The following FRMD8 variants were observed in gnomAD, a reference collection of about 807,000 sequenced individuals.
The protein encoded by FRMD8 is FERM domain containing 8, also known as FERM domain-containing protein 8.
Under a neutral mutation model 54.2 loss-of-function variants are expected in FRMD8, and 37 were observed. That is an observed-to-expected ratio of 0.68 (90% CI 0.53 to 0.90). FRMD8 has a LOEUF of 0.90. Among genes scored for constraint, FRMD8 ranks in the 40% least tolerant of loss-of-function variants. FRMD8 has a pLI of 0.00. For missense variants in FRMD8, 585 were observed against 653.7 expected (o/e 0.89, Z 1.15); for synonymous variants, 246 against 286.9 (o/e 0.86, Z 1.44).
rs1468274445 is a variant in FRMD8 at position 65,397,035 on chromosome 11, C to A, written c.803+15C>A. ...CCGTTTTATGGGTAAGAGCCACAGC[C>A]CCGCGGTCCCCCACCCCCTCCGCAG... On this transcript the variant is annotated intron_variant, in intron 7 of 10. Transcript: ENST00000317568. 7 of 1,363,768 alleles carry A rather than the reference C, an allele frequency of 5.1e-6. No homozygotes were observed. The highest frequency in any genetic ancestry group is 6.8e-6 in the Non-Finnish European group (7 of 1,026,022). The allele number at this position is 1,363,768 out of a possible 1,614,324, so 84.5% of individuals were successfully genotyped here. A position where few individuals can be genotyped will look rare whatever the true frequency, so the allele number is the denominator to read the frequency against.
chr11:65,380,876 C>A, the FRMD8 span: 3 of 288,804 alleles, frequency 1.0e-5, no homozygotes, highest in South Asian at 2.9e-5. Context: ...CCAGGTGGGG[C>A]AGAGGCCCAG....
At chr11:65,390,164 G>T (rs1310402696) in intron 3 of FRMD8, among the ~76,000 whole-genome samples, 1 of 152,024 alleles carries the variant, frequency 6.6e-6, no homozygotes, top group African/African-American at 2.4e-5. Context: ...TGCCTGGCTG[G>T]CCTCGTGACC....
At chr11:65,401,579 C>G (rs962165668) in intron 9 of FRMD8, among the ~76,000 whole-genome samples, 6 of 150,910 alleles carry the variant, frequency 4.0e-5, no homozygotes, top group African/African-American at 1.5e-4. Flanking sequence ...CACCCCTGCG[C>G]CTCCCATGCT....
intron 9 of FRMD8, among the ~76,000 whole-genome samples, chr11:65,403,510 C>A (rs759107941): frequency 6.6e-5 from 10 of 152,180 alleles, no homozygotes; most frequent in Non-Finnish European, 1.3e-4. Context: ...TGTGGACAGT[C>A]GTGTGGTCTG....
the FRMD8 span, chr11:65,379,625 C>A: frequency 1.3e-4 from 195 of 1,493,708 alleles, no homozygotes; most frequent in Non-Finnish European, 1.7e-4. Context: ...CCTCTCCACC[C>A]CTGGCAAGGC....
intron 10 of FRMD8, among the ~76,000 whole-genome samples, chr11:65,407,003 CCT>C: frequency 6.6e-6 from 1 of 151,940 alleles, no homozygotes; most frequent in South Asian, 2.1e-4. Context: ...TGTGTCAGAT[CCT>C]GGAAGAGAGG....
In FRMD8 at chr11:65,400,631, G is replaced by A. The variant is rs1856054041; in HGVS notation, c.928-93G>A. 8 of 1,276,090 alleles carry A rather than the reference G, an allele frequency of 6.3e-6. No individual in the cohort carries two copies. Among genetic ancestry groups the A allele is most frequent in the Non-Finnish European group, 8.5e-6 (8 of 945,658 alleles). The allele number at this position is 1,276,090 out of a possible 1,614,324, so 79.0% of individuals were successfully genotyped here. A position where few individuals can be genotyped will look rare whatever the true frequency, so the allele number is the denominator to read the frequency against. On this transcript the variant is annotated intron_variant, in intron 8 of 10. Coordinates refer to ENST00000317568, the MANE Select transcript of FRMD8 (RefSeq NM_031904.5). The surrounding 1 kb of genome is among the most constrained non-coding windows in gnomAD (Gnocchi z 4.3). ...CAAATGTAGACTCAGCCTTGGAGAGGCACACACCCTGGCCAGGTGTCTGAG... is the reference window on the plus strand; with the variant it reads ...CAAATGTAGACTCAGCCTTGGAGAGACACACACCCTGGCCAGGTGTCTGAG...
Position 65,396,968 on chromosome 11 carries a change from G to A in FRMD8, c.751G>A (p.Gly251Ser). 2 of 1,506,486 alleles carry A rather than the reference G, an allele frequency of 1.3e-6. No homozygotes were observed. The highest frequency in any genetic ancestry group is 8.9e-7 in the Non-Finnish European group (1 of 1,124,394). 93.3% of individuals were successfully genotyped at this position (1,506,486 alleles called of 1,614,324 possible). ...CGACGGCGGGTGCGAGGCCGCCCTGGGCACCCACTACCGCGCCTATCTCCT... is the reference window on the plus strand; with the variant it reads ...CGACGGCGGGTGCGAGGCCGCCCTGAGCACCCACTACCGCGCCTATCTCCT... ...SSDGGCEAAL[G>S]THYRAYLLKC... Residue 251 changes from glycine (G) to serine (S), a missense_variant, in exon 7 of 11, where the codon GGC becomes AGC. Coordinates refer to ENST00000317568, the MANE Select transcript of FRMD8 (RefSeq NM_031904.5).
At chr11:65,377,328 C>T in the FRMD8 span, 1 of 1,358,432 alleles carries the variant, frequency 7.4e-7, no homozygotes, top group South Asian at 1.8e-5. Context: ...CAGTGACCAA[C>T]TTGCCTGGCC....
chr11:65,381,800 C>A, upstream of FRMD8: 1 of 1,342,846 alleles, frequency 7.4e-7, no homozygotes, highest in Non-Finnish European at 1.1e-6. Flanking sequence ...TCAAGTGATC[C>A]TCCCGCCAGG....
In FRMD8 at chr11:65,404,744, C is replaced by T. The variant is rs900856495; in HGVS notation, c.1072-120C>T. On this transcript the variant is annotated intron_variant, in intron 9 of 10. Transcript: ENST00000317568. This position sits in a 1 kb window ranked among gnomAD's most constrained non-coding sequence, Gnocchi z 4.7. ...TCCCCTGCCTCCCTGCTCCCTCCCT[C>T]CTGAGTGATGTGTGTCCCCTCCCCT... 7.5e-6 allele frequency: 6 copies of T among 799,534 alleles called. No individual in the cohort carries two copies. Among genetic ancestry groups the T allele is most frequent in the Non-Finnish European group, 1.2e-5 (6 of 493,074 alleles). The allele number at this position is 799,534 out of a possible 1,614,324, so 49.5% of individuals were successfully genotyped here.
chr11:65,410,651 G>A (rs1175719355), intron 10 of FRMD8, among the ~76,000 whole-genome samples: 4 of 152,154 alleles, frequency 2.6e-5, no homozygotes, highest in Non-Finnish European at 5.9e-5. Flanking sequence ...TTAGCTGGGC[G>A]CCGTGGCGGG....
At chr11:65,380,479 G>T in the FRMD8 span, 1 of 1,327,158 alleles carries the variant, frequency 7.5e-7, no homozygotes, top group East Asian at 3.0e-5. Flanking sequence ...CCCATACCCG[G>T]GTATCCCACC....
At chr11:65,402,676 C>T (rs1441308637) in intron 9 of FRMD8, among the ~76,000 whole-genome samples, 1 of 152,168 alleles carries the variant, frequency 6.6e-6, no homozygotes, top group Non-Finnish European at 1.5e-5. Flanking sequence ...GCATTGATTA[C>T]TTCGGAGGTC....
the FRMD8 span, chr11:65,376,877 A>T: frequency 1.9e-6 from 3 of 1,614,034 alleles, no homozygotes; most frequent in South Asian, 1.1e-5. Context: ...GATGAAGTAG[A>T]TCCCCACCGT....
In FRMD8 at chr11:65,396,571, C is replaced by T. The variant is rs149963121; in HGVS notation, c.582-228C>T. 2.7e-3 allele frequency among the ~76,000 whole-genome samples: 417 copies of T among 152,294 alleles called. 1 individual carries two copies. Among genetic ancestry groups the T allele is most frequent in the African/African-American group, 9.5e-3 (395 of 41,562 alleles). On this transcript the variant is annotated intron_variant, in intron 6 of 10. Coordinates refer to ENST00000317568, the MANE Select transcript of FRMD8 (RefSeq NM_031904.5). The stretch of plus-strand genomic sequence containing the variant: ...CTCTCACCAGCTGTACAGCTGCTCT[C>T]GGCAGAAGCAGACAGGCTGGCCCTG...
At position 65,396,891 on chromosome 11, in the gene FRMD8, C is replaced by T. The variant is rs375440872; in HGVS notation, c.674C>T (p.Pro225Leu). The change falls in exon 7 of 11, where the codon CCG becomes CTG. Residue 225 changes from proline to leucine, a missense_variant. Coordinates refer to ENST00000317568, the MANE Select transcript of FRMD8 (RefSeq NM_031904.5). ...CGGGGCCGTGGGGCCAGGGCCGGGC[C>T]GGGCGAGCAGGGCCTGCTGAACGCC... is the stretch of plus-strand genomic sequence containing the variant. ...ALRGRGARAG[P>L]GEQGLLNAYR... 350 of 1,557,728 alleles carry T rather than the reference C, an allele frequency of 2.2e-4. No individual in the cohort carries two copies. The highest frequency in any genetic ancestry group is 2.7e-4 in the Non-Finnish European group (315 of 1,151,710).
At chr11:65,382,083 GT>G, upstream of FRMD8, 1 of 827,134 alleles carries the variant, frequency 1.2e-6, no homozygotes, top group Non-Finnish European at 2.0e-6. The surrounding 1 kb of genome is among the most constrained non-coding windows in gnomAD (Gnocchi z 4.4). Flanking sequence ...AATTGGCCTG[GT>G]GCCCAGACCT....
At chr11:65,390,570 T>G (rs1380233617) in intron 3 of FRMD8, among the ~76,000 whole-genome samples, 1 of 126,808 alleles carries the variant, frequency 7.9e-6, no homozygotes, top group Admixed American at 8.2e-5. Flanking sequence ...CCCTCCCCCC[T>G]GCCAGTAGGA....
Sources: allele counts gnomAD v4.1 joint callset (sites outside exome capture counted in the v4.1 genomes callset), GRCh38; gene constraint gnomAD v4.1.1; non-coding constraint Gnocchi (gnomAD v3.1); transcripts MANE v1.5; gene names NCBI Gene and HGNC (gene_info 2026-07-23, HGNC 2026-07-21).